OR4S1: variants seen among roughly 807,000 people sequenced by gnomAD.
The protein encoded by OR4S1 is olfactory receptor 4S1.
For synonymous variants in OR4S1, 197 were observed against 144.5 expected, an observed-to-expected ratio of 1.36 and a Z score of -2.61; for missense variants, 531 against 383.0, an observed-to-expected ratio of 1.39 and a Z score of -3.23.
rs762110538 is a variant in OR4S1 at position 48,306,711 on chromosome 11, G to A, written c.489G>A (p.Gln163=). 1.2e-6 allele frequency: 2 copies of A among 1,614,148 alleles called. No individual in the cohort carries two copies. The highest frequency in any genetic ancestry group is 1.7e-6 in the Non-Finnish European group (2 of 1,180,024). The change falls in exon 1 of 1, where the codon CAG becomes CAA. Residue 163 remains glutamine, a synonymous_variant. Coordinates refer to ENST00000319988, the MANE Select transcript of OR4S1 (RefSeq NM_001004725.1). The stretch of plus-strand genomic sequence containing the variant: ...TCCTGCAGACCCTCCTCACGGTTCA[G>A]CTGCCTTTTTGTGGGCCCAATGAGA... ...HSILQTLLTV[Q]LPFCGPNEID...
rs761244532 is a variant in OR4S1, at chr11:48,306,582, C to T, written c.360C>T (p.Arg120=). The T allele has an allele frequency of 1.9e-6, 3 of 1,582,238 alleles. No individual in the cohort carries two copies. The highest frequency in any genetic ancestry group is 1.1e-5 in the South Asian group (1 of 90,148). The change falls in exon 1 of 1, where the codon CGC becomes CGT. Residue 120 remains arginine (R), a synonymous_variant. Coordinates refer to ENST00000319988, the MANE Select transcript of OR4S1 (RefSeq NM_001004725.1). The part of the protein sequence containing the change: ...IFLLTAMAYD[R]YVAICRPLHY... ...TCCTTACAGCCATGGCCTATGACCG[C>T]TATGTGGCCATCTGTAGGCCCCTGC...
rs765098998 is a variant in OR4S1 at position 48,306,523 on chromosome 11, T to C, written c.301T>C (p.Ser101Pro). ...CAATGGCTGCATGACCCAGCTCTTT[T>C]CTGCCCACTTCTTTGGTGGCACTGA... ...SFNGCMTQLF[S>P]AHFFGGTEIF... The change falls in exon 1 of 1, where the codon TCT becomes CCT. Residue 101 changes from serine (S) to proline (P), a missense_variant. Coordinates refer to ENST00000319988, the MANE Select transcript of OR4S1 (RefSeq NM_001004725.1). 2 of 1,605,304 alleles carry C rather than the reference T, an allele frequency of 1.2e-6. No individual in the cohort carries two copies. The highest frequency in any genetic ancestry group is 1.7e-6 in the Non-Finnish European group (2 of 1,173,178).
Position 48,306,639 on chromosome 11 carries a change from T to A in OR4S1, c.417T>A (p.Cys139Ter), listed in dbSNP as rs1236286880. ...CAGCCATCATGGATTGCCGGAAGTGTGGCCTGCTAGCGGGGGCCTCCTGGT... is the reference window on the plus strand; with the variant it reads ...CAGCCATCATGGATTGCCGGAAGTGAGGCCTGCTAGCGGGGGCCTCCTGGT... The part of the protein sequence containing the change: ...HYTAIMDCRK[C>*]GLLAGASWLA... Residue 139 changes from cysteine to a stop codon, truncating the protein, a stop_gained, in exon 1 of 1, where the codon TGT (cysteine) becomes TGA (stop). Coordinates refer to ENST00000319988, the MANE Select transcript of OR4S1 (RefSeq NM_001004725.1). LOFTEE classifies it low-confidence loss of function (END_TRUNC). 2 of 1,613,740 alleles carry A rather than the reference T, an allele frequency of 1.2e-6. No individual in the cohort carries two copies. The highest frequency in any genetic ancestry group is 2.7e-5 in the African/African-American group (2 of 74,912).
Position 48,306,296 on chromosome 11 carries a change from G to A in OR4S1, c.74G>A (p.Cys25Tyr). Residue 25 changes from cysteine to tyrosine, a missense_variant, in exon 1 of 1, where the codon TGC (cysteine) becomes TAC (tyrosine). By Grantham distance (194) the Cys-to-Tyr change is radical. Coordinates refer to ENST00000319988, the MANE Select transcript of OR4S1 (RefSeq NM_001004725.1). ...LFESREMQHT[C>Y]FVVFFLFHVL... ...GAGAGCAGAGAGATGCAGCATACAT[G>A]CTTTGTGGTATTCTTCCTCTTTCAT... 6.2e-7 allele frequency: 1 copy of A among 1,605,252 alleles called. No individual in the cohort carries two copies. Among genetic ancestry groups the A allele is most frequent in the Non-Finnish European group, 8.5e-7 (1 of 1,173,704 alleles).
At position 48,307,080 on chromosome 11, in the gene OR4S1, A is replaced by G. The variant is rs773716714; in HGVS notation, c.858A>G (p.Thr286=). Residue 286 remains threonine, a synonymous_variant, in exon 1 of 1, where the codon ACA becomes ACG. Coordinates refer to ENST00000319988, the MANE Select transcript of OR4S1 (RefSeq NM_001004725.1). Reference sequence around the variant, plus strand: ...CTTTGCTGAACCCTTTGATCTATACACTAAGGAACAACGATGTGAAAAATG... The same window carrying G: ...CTTTGCTGAACCCTTTGATCTATACGCTAAGGAACAACGATGTGAAAAATG... ...MPPLLNPLIY[T]LRNNDVKNAM... The G allele has an allele frequency of 1.7e-5, 28 of 1,613,900 alleles. No individual in the cohort carries two copies. Among genetic ancestry groups the G allele is most frequent in the Middle Eastern group, 3.3e-4 (2 of 6,084 alleles).
At position 48,306,830 on chromosome 11, in the gene OR4S1, T is replaced by A; in HGVS notation, c.608T>A (p.Met203Lys). Reference sequence around the variant, plus strand: ...CTCATCGTGGTGGCCAACAGCGGTATGATTTCTTTAGCATCCTTTTTTATC... The same window carrying A: ...CTCATCGTGGTGGCCAACAGCGGTAAGATTTCTTTAGCATCCTTTTTTATC... ...VGLIVVANSG[M>K]ISLASFFILI... Residue 203 changes from methionine to lysine, a missense_variant, in exon 1 of 1, where the codon ATG becomes AAG. By Grantham distance (95) the Met-to-Lys change is moderately conservative. Transcript: ENST00000319988. The A allele has an allele frequency of 6.2e-7, 1 of 1,614,228 alleles. No homozygotes were observed. Among genetic ancestry groups the A allele is most frequent in the African/African-American group, 1.3e-5 (1 of 75,060 alleles).
At position 48,306,704 on chromosome 11, in the gene OR4S1, C is replaced by T. The variant is rs371001252; in HGVS notation, c.482C>T (p.Thr161Met). The change falls in exon 1 of 1, where the codon ACG becomes ATG. Residue 161 changes from threonine (T) to methionine (M), a missense_variant. Transcript: ENST00000319988. The stretch of plus-strand genomic sequence containing the variant: ...CATTCCATCCTGCAGACCCTCCTCA[C>T]GGTTCAGCTGCCTTTTTGTGGGCCC... ...FLHSILQTLL[T>M]VQLPFCGPNE... is the part of the protein sequence containing the mutation. 1.0e-4 allele frequency: 164 copies of T among 1,614,008 alleles called. No homozygotes were observed. Among genetic ancestry groups the T allele is most frequent in the Middle Eastern group, 4.9e-4 (3 of 6,084 alleles).
In OR4S1 at chr11:48,306,828, T is replaced by C; in HGVS notation, c.606T>C (p.Gly202=). 1.2e-6 allele frequency: 2 copies of C among 1,614,164 alleles called. No homozygotes were observed. Among genetic ancestry groups the C allele is most frequent in the Non-Finnish European group, 1.7e-6 (2 of 1,180,034 alleles). Residue 202 remains glycine (G), a synonymous_variant, in exon 1 of 1, where the codon GGT becomes GGC. Transcript: ENST00000319988. ...GTCTCATCGTGGTGGCCAACAGCGG[T>C]ATGATTTCTTTAGCATCCTTTTTTA... ...MVGLIVVANS[G]MISLASFFIL...
Position 48,306,425 on chromosome 11 carries a change from A to G in OR4S1, c.203A>G (p.Asp68Gly). Reference protein sequence around the residue: ...YFFLSQLSFADICYPSTTIPK... With the variant: ...YFFLSQLSFAGICYPSTTIPK... ...TTCCTGAGCCAGTTGTCTTTTGCTG[A>G]CATATGTTATCCATCCACTACCATA... The change falls in exon 1 of 1, where the codon GAC (aspartate) becomes GGC (glycine). Residue 68 changes from aspartate (D) to glycine (G), a missense_variant. By Grantham distance (94) the Asp-to-Gly change is moderately conservative. Coordinates refer to ENST00000319988, the MANE Select transcript of OR4S1 (RefSeq NM_001004725.1). 6.2e-7 allele frequency: 1 copy of G among 1,608,116 alleles called. No individual in the cohort carries two copies. Among genetic ancestry groups the G allele is most frequent in the Non-Finnish European group, 8.5e-7 (1 of 1,175,128 alleles).
rs1851993310 is a variant in OR4S1, at chr11:48,306,978, C to A, written c.756C>A (p.Pro252=). The A allele has an allele frequency of 6.2e-7, 1 of 1,614,198 alleles. No individual in the cohort carries two copies. Among genetic ancestry groups the A allele is most frequent in the African/African-American group, 1.3e-5 (1 of 75,056 alleles). Residue 252 remains proline, a synonymous_variant, in exon 1 of 1, where the codon CCC becomes CCA. Transcript: ENST00000319988. The stretch of plus-strand genomic sequence containing the variant: ...CTGTCCTTTTGGTTCTCATGCCCCC[C>A]ATGTTCATGTACATTCGTCCCTCCA... The part of the protein sequence containing the change: ...VITVLLVLMP[P]MFMYIRPSTT...
At position 48,307,012 on chromosome 11, in the gene OR4S1, G is replaced by A; in HGVS notation, c.790G>A (p.Ala264Thr). The A allele has an allele frequency of 1.2e-6, 2 of 1,614,058 alleles. No individual in the cohort carries two copies. Among genetic ancestry groups the A allele is most frequent in the Non-Finnish European group, 1.7e-6 (2 of 1,179,996 alleles). ...FMYIRPSTTL[A>T]ADKLIILFNI... Reference sequence around the variant, plus strand: ...GTACATTCGTCCCTCCACCACCCTGGCTGCTGACAAACTTATCATCCTCTT... The same window carrying A: ...GTACATTCGTCCCTCCACCACCCTGACTGCTGACAAACTTATCATCCTCTT... The change falls in exon 1 of 1, where the codon GCT (alanine) becomes ACT (threonine). Residue 264 changes from alanine to threonine, a missense_variant. Ala to Thr is a moderately conservative substitution (Grantham distance 58, BLOSUM62 0). Coordinates refer to ENST00000319988, the MANE Select transcript of OR4S1 (RefSeq NM_001004725.1).
rs1180231594 is a variant in OR4S1 at position 48,307,020 on chromosome 11, C to T, written c.798C>T (p.Asp266=). The T allele has an allele frequency of 6.2e-7, 1 of 1,614,172 alleles. No homozygotes were observed. The highest frequency in any genetic ancestry group is 1.1e-5 in the South Asian group (1 of 91,080). The part of the protein sequence containing the change: ...YIRPSTTLAA[D]KLIILFNIVM... ...GTCCCTCCACCACCCTGGCTGCTGA[C>T]AAACTTATCATCCTCTTTAACATTG... is the stretch of plus-strand genomic sequence containing the variant. The change falls in exon 1 of 1, where the codon GAC becomes GAT. Residue 266 remains aspartate, a synonymous_variant. Transcript: ENST00000319988.
rs747226007 is a variant in OR4S1 at position 48,307,115 on chromosome 11, A to C, written c.893A>C (p.Lys298Thr). 21 of 1,614,004 alleles carry C rather than the reference A, an allele frequency of 1.3e-5. No individual in the cohort carries two copies. In the East Asian group the frequency reaches 4.7e-4, roughly 36 times the overall value. Residue 298 changes from lysine to threonine, a missense_variant, in exon 1 of 1, where the codon AAG becomes ACG. Physicochemically the swap from Lys to Thr is moderately conservative, Grantham distance 78. Coordinates refer to ENST00000319988, the MANE Select transcript of OR4S1 (RefSeq NM_001004725.1). ...RNNDVKNAMR[K>T]LFRVKRSLGE... ...AACGATGTGAAAAATGCCATGAGGAAGCTGTTTAGGGTCAAGAGGAGCTTA... is the reference window on the plus strand; with the variant it reads ...AACGATGTGAAAAATGCCATGAGGACGCTGTTTAGGGTCAAGAGGAGCTTA...
rs1851988167 is a variant in OR4S1 at position 48,306,686 on chromosome 11, T to C, written c.464T>C (p.Ile155Thr). 6.2e-7 allele frequency: 1 copy of C among 1,614,114 alleles called. No individual in the cohort carries two copies. Among genetic ancestry groups the C allele is most frequent in the Non-Finnish European group, 8.5e-7 (1 of 1,180,014 alleles). ...TGGTTAGCTGGCTTCCTGCATTCCA[T>C]CCTGCAGACCCTCCTCACGGTTCAG... ...ASWLAGFLHS[I>T]LQTLLTVQLP... Residue 155 changes from isoleucine to threonine, a missense_variant, in exon 1 of 1, where the codon ATC becomes ACC. Physicochemically the swap from Ile to Thr is moderately conservative, Grantham distance 89. Transcript: ENST00000319988.
Position 48,306,960 on chromosome 11 carries a change from T to C in OR4S1, c.738T>C (p.Leu246=), listed in dbSNP as rs966256669. The C allele has an allele frequency of 1.9e-6, 3 of 1,614,106 alleles. No homozygotes were observed. The highest frequency in any genetic ancestry group is 3.3e-5 in the Admixed American group (2 of 60,008). The part of the protein sequence containing the change: ...STCGSHVITV[L]LVLMPPMFMY... ...GTGGCTCACACGTAATCACTGTCCT[T>C]TTGGTTCTCATGCCCCCCATGTTCA... Residue 246 remains leucine, a synonymous_variant, in exon 1 of 1, where the codon CTT becomes CTC. Coordinates refer to ENST00000319988, the MANE Select transcript of OR4S1 (RefSeq NM_001004725.1).
In OR4S1 at chr11:48,306,811, G is replaced by T. The variant is rs777534434; in HGVS notation, c.589G>T (p.Val197Leu). Residue 197 changes from valine to leucine, a missense_variant, in exon 1 of 1, where the codon GTG becomes TTG. Transcript: ENST00000319988. ...AGACACCTACATGGTAGGTCTCATC[G>T]TGGTGGCCAACAGCGGTATGATTTC... ...CADTYMVGLI[V>L]VANSGMISLA... The T allele has an allele frequency of 6.2e-7, 1 of 1,614,166 alleles. No individual in the cohort carries two copies. Among genetic ancestry groups the T allele is most frequent in the Non-Finnish European group, 8.5e-7 (1 of 1,180,016 alleles).
In OR4S1 at chr11:48,307,012, G is replaced by C. The variant is rs539960365; in HGVS notation, c.790G>C (p.Ala264Pro). The change falls in exon 1 of 1, where the codon GCT becomes CCT. Residue 264 changes from alanine to proline, a missense_variant. By Grantham distance (27) the Ala-to-Pro change is conservative (BLOSUM62 -1). Transcript: ENST00000319988. Reference protein sequence around the residue: ...FMYIRPSTTLAADKLIILFNI... With the variant: ...FMYIRPSTTLPADKLIILFNI... Reference sequence around the variant, plus strand: ...GTACATTCGTCCCTCCACCACCCTGGCTGCTGACAAACTTATCATCCTCTT... The same window carrying C: ...GTACATTCGTCCCTCCACCACCCTGCCTGCTGACAAACTTATCATCCTCTT... 6.2e-7 allele frequency: 1 copy of C among 1,614,058 alleles called. No homozygotes were observed. The highest frequency in any genetic ancestry group is 1.3e-5 in the African/African-American group (1 of 75,010).
Position 48,306,314 on chromosome 11 carries a change from T to C in OR4S1, c.92T>C (p.Leu31Pro). ...MQHTCFVVFFLFHVLTVLGNL... is the reference protein window; with the variant it reads ...MQHTCFVVFFPFHVLTVLGNL... ...CATACATGCTTTGTGGTATTCTTCC[T>C]CTTTCATGTGCTCACTGTCCTGGGG... Residue 31 changes from leucine (L) to proline (P), a missense_variant, in exon 1 of 1, where the codon CTC becomes CCC. Transcript: ENST00000319988. 3 of 1,605,260 alleles carry C rather than the reference T, an allele frequency of 1.9e-6. No homozygotes were observed. The highest frequency in any genetic ancestry group is 1.7e-6 in the Non-Finnish European group (2 of 1,173,170).
Position 48,307,004 on chromosome 11 carries a change from C to A in OR4S1, c.782C>A (p.Thr261Asn). 6.2e-7 allele frequency: 1 copy of A among 1,614,186 alleles called. No individual in the cohort carries two copies. The highest frequency in any genetic ancestry group is 8.5e-7 in the Non-Finnish European group (1 of 1,180,012). Reference protein sequence around the residue: ...PPMFMYIRPSTTLAADKLIIL... With the variant: ...PPMFMYIRPSNTLAADKLIIL... ...ATGTTCATGTACATTCGTCCCTCCA[C>A]CACCCTGGCTGCTGACAAACTTATC... Residue 261 changes from threonine to asparagine, a missense_variant, in exon 1 of 1, where the codon ACC becomes AAC. Coordinates refer to ENST00000319988, the MANE Select transcript of OR4S1 (RefSeq NM_001004725.1).
Sources: gnomAD v4.1 joint callset for allele counts on GRCh38, gnomAD v4.1.1 for gene constraint, MANE v1.5 for transcripts, NCBI Gene and HGNC (gene_info 2026-07-23, HGNC 2026-07-21) for gene names.